BEAN1: variants seen among roughly 807,000 people sequenced by gnomAD.
The protein encoded by BEAN1 is protein BEAN1.
A neutral mutation model predicts 17.7 loss-of-function variants in BEAN1; 17 were observed. The observed-to-expected ratio is 0.96, with a 90% CI of 0.66 to 1.44. The LOEUF is 1.44. BEAN1 is among the 40% of genes most tolerant of loss of function. The pLI is 0.00. For synonymous variants in BEAN1, 142 were observed against 151.8 expected (o/e 0.94, Z 0.47); for missense variants, 359 against 374.1 (o/e 0.96, Z 0.33).
rs1027073652 is a variant in BEAN1 at position 66,471,756 on chromosome 16, C to T, written c.289+1891C>T. On this transcript the variant is annotated intron_variant, in intron 3 of 4. Transcript: ENST00000536005. The surrounding 1 kb of genome is among the most constrained non-coding windows in gnomAD (Gnocchi z 4.7). ...AAACAGATGTGGAAAGCTCAGCCCA[C>T]CCAGTCTCTGCAAGTCTCCCCAGAA... Among the ~76,000 whole-genome samples, 11 of 152,208 alleles carry T rather than the reference C, an allele frequency of 7.2e-5. No individual in the cohort carries two copies. Among genetic ancestry groups the T allele is most frequent in the Non-Finnish European group, 1.2e-4 (8 of 68,038 alleles).
Position 66,482,716 on chromosome 16 carries a change from G to A in BEAN1, c.*1791G>A, listed in dbSNP as rs1964022898. The A allele has an allele frequency of 5.4e-6, 2 of 373,082 alleles. No individual in the cohort carries two copies. Among genetic ancestry groups the A allele is most frequent in the South Asian group, 4.1e-5 (2 of 48,400 alleles). 23.1% of individuals were successfully genotyped at this position (373,082 alleles called of 1,614,324 possible). ...ACCTACTCATCAGTGTTTGAAAGAT[G>A]GAGCTGAATAGCTTTTCTTGTTCCT... On this transcript the variant is annotated 3_prime_UTR_variant, in exon 5 of 5. Transcript: ENST00000536005.
chr16:66,467,378 T>G (rs1040036439), intron 2 of BEAN1, among the ~76,000 whole-genome samples: 2 of 151,998 alleles, frequency 1.3e-5, no homozygotes, highest in Non-Finnish European at 2.9e-5. Flanking sequence ...AAACAGACAA[T>G]CATGGCGGAA....
chr16:66,489,877 CTCAA>C, intron 4 of BEAN1, among the ~76,000 whole-genome samples: 1 of 152,156 alleles, frequency 6.6e-6, no homozygotes, highest in African/African-American at 2.4e-5. Flanking sequence ...GATGCAGTTT[CTCAA>C]TCAAAGGGAT....
rs1167746024 is a variant in BEAN1, at chr16:66,473,291, G to A, written c.289+3426G>A. The stretch of plus-strand genomic sequence containing the variant: ...GACTGAGGTCACAGCTCTGCCAAGC[G>A]GGGTCAGGCCTTGGCTTCCCCACTG... On this transcript the variant is annotated intron_variant, in intron 3 of 4. Transcript: ENST00000536005. This position sits in a 1 kb window ranked among gnomAD's most constrained non-coding sequence, Gnocchi z 4.5. 2.0e-5 allele frequency among the ~76,000 whole-genome samples: 3 copies of A among 152,144 alleles called. No homozygotes were observed. Among genetic ancestry groups the A allele is most frequent in the Admixed American group, 6.5e-5 (1 of 15,276 alleles).
At chr16:66,488,263 T>C (rs561546157) in intron 4 of BEAN1, among the ~76,000 whole-genome samples, 3 of 152,138 alleles carry the variant, frequency 2.0e-5, no homozygotes, top group East Asian at 3.9e-4. Context: ...ATATGTGGAA[T>C]TTTAGCTATT....
chr16:66,433,779 C>G (rs1961899539), intron 1 of BEAN1, among the ~76,000 whole-genome samples: 1 of 152,232 alleles, frequency 6.6e-6, no homozygotes, highest in African/African-American at 2.4e-5. Context: ...GCCTCTTTCA[C>G]AAGGCCAGCC....
rs765824418 is a variant in BEAN1, at chr16:66,469,872, C to T, written c.289+7C>T. 17 of 1,532,008 alleles carry T rather than the reference C, an allele frequency of 1.1e-5. No homozygotes were observed. In the Middle Eastern group the frequency reaches 8.2e-4, roughly 74 times the overall value. 94.9% of individuals were successfully genotyped at this position (1,532,008 alleles called of 1,614,324 possible). On this transcript the variant is annotated splice_region_variant and intron_variant, in intron 3 of 4. Coordinates refer to ENST00000536005, the MANE Select transcript of BEAN1 (RefSeq NM_001178020.3). Reference sequence around the variant, plus strand: ...GAGTACGAGCACGGCTACGGTGAGCCGCCGCCCACCCTGGGGCCCTGGGAC... The same window carrying T: ...GAGTACGAGCACGGCTACGGTGAGCTGCCGCCCACCCTGGGGCCCTGGGAC...
At chr16:66,478,534 G>A (rs908692502) in intron 4 of BEAN1, among the ~76,000 whole-genome samples, 7 of 152,292 alleles carry the variant, frequency 4.6e-5, no homozygotes, top group South Asian at 2.1e-4. Flanking sequence ...CCCGGGAGGC[G>A]GAGGTTGTAG....
Position 66,453,217 on chromosome 16 carries a change from C to G in BEAN1, c.25+15516C>G, listed in dbSNP as rs1199582423. ...GAAAGCTTAGGTTTTCAAGTCGAGG[C>G]CTTTCTTCTTTTCCTTTCTTCTTTT... is the stretch of plus-strand genomic sequence containing the variant. On this transcript the variant is annotated intron_variant, in intron 2 of 4. Coordinates refer to ENST00000536005, the MANE Select transcript of BEAN1 (RefSeq NM_001178020.3). Among the ~76,000 whole-genome samples the G allele has an allele frequency of 2.6e-5, 4 of 151,912 alleles. No individual in the cohort carries two copies. The South Asian group carries it at 6.2e-4, about 24-fold the overall frequency.
intron 3 of BEAN1, chr16:66,475,514 A>G (rs1383969352): frequency 6.6e-6 from 1 of 152,154 alleles, no homozygotes; most frequent in Non-Finnish European, 1.5e-5. Context: ...CCTGAACCCA[A>G]AAACCCTTCC....
chr16:66,445,310 A>G (rs899332435), intron 2 of BEAN1, among the ~76,000 whole-genome samples: 1 of 151,646 alleles, frequency 6.6e-6, no homozygotes, highest in Admixed American at 6.6e-5. Context: ...CCCTGTCTCT[A>G]CTAAAAATAC....
At chr16:66,432,032 T>C (rs955273685) in intron 1 of BEAN1, among the ~76,000 whole-genome samples, 1 of 152,142 alleles carries the variant, frequency 6.6e-6, no homozygotes, top group Non-Finnish European at 1.5e-5. Context: ...CACTCCAGCC[T>C]GGGTGACAGA....
chr16:66,448,369 C>T (rs925887081), intron 2 of BEAN1, among the ~76,000 whole-genome samples: 11 of 152,282 alleles, frequency 7.2e-5, no homozygotes, highest in Admixed American at 5.9e-4. Context: ...AAATGACAAA[C>T]GGTACAAATC....
chr16:66,439,045 C>T (rs1408789684), intron 2 of BEAN1, among the ~76,000 whole-genome samples: 1 of 152,112 alleles, frequency 6.6e-6, no homozygotes, highest in East Asian at 1.9e-4. Context: ...TTCCAAAAGT[C>T]GAAGCCTTAT....
intron 2 of BEAN1, among the ~76,000 whole-genome samples, chr16:66,440,002 G>T (rs1962187802): frequency 6.6e-6 from 1 of 152,016 alleles, no homozygotes; most frequent in South Asian, 2.1e-4. Context: ...CCCACAATCA[G>T]CTTCAGTCTG....
At position 66,480,735 on chromosome 16, in the gene BEAN1, A is replaced by C; in HGVS notation, c.590A>C (p.Gln197Pro). 6.4e-7 allele frequency: 1 copy of C among 1,551,620 alleles called. No individual in the cohort carries two copies. The highest frequency in any genetic ancestry group is 8.7e-7 in the Non-Finnish European group (1 of 1,146,952). ...GHSPGRHQQE[Q>P]RTPAQGGLHT... is the part of the protein sequence containing the mutation. Reference sequence around the variant, plus strand: ...AGCCCTGGCCGACACCAGCAGGAGCAGAGGACCCCGGCCCAAGGTGGCCTT... The same window carrying C: ...AGCCCTGGCCGACACCAGCAGGAGCCGAGGACCCCGGCCCAAGGTGGCCTT... Residue 197 changes from glutamine (Q) to proline (P), a missense_variant, in exon 5 of 5, where the codon CAG becomes CCG. Transcript: ENST00000536005.
In BEAN1 at chr16:66,481,747, A is replaced by C. The variant is rs1051783608; in HGVS notation, c.*822A>C. On this transcript the variant is annotated 3_prime_UTR_variant, in exon 5 of 5. Transcript: ENST00000536005. This position sits in a 1 kb window ranked among gnomAD's most constrained non-coding sequence, Gnocchi z 4.1. ...GCCCAGGACTAAGGGTCTTCAAGGA[A>C]GATGAGGCCATTGCCCTTCTCCAGG... 1.3e-5 allele frequency: 2 copies of C among 153,038 alleles called. No individual in the cohort carries two copies. Among genetic ancestry groups the C allele is most frequent in the African/African-American group, 4.8e-5 (2 of 41,514 alleles). The allele number at this position is 153,038 out of a possible 1,614,324, so 9.5% of individuals were successfully genotyped here.
At chr16:66,442,385 G>A (rs1297226721) in intron 2 of BEAN1, among the ~76,000 whole-genome samples, 1 of 152,204 alleles carries the variant, frequency 6.6e-6, no homozygotes, top group Non-Finnish European at 1.5e-5. Flanking sequence ...CTGGCCTTTG[G>A]GAACAGATCT....
rs1170313620 is a variant in BEAN1, at chr16:66,477,683, G to A, written c.413G>A (p.Arg138Lys). The A allele has an allele frequency of 1.3e-6, 2 of 1,550,054 alleles. No individual in the cohort carries two copies. The highest frequency in any genetic ancestry group is 2.7e-5 in the African/African-American group (2 of 72,988). Reference protein sequence around the residue: ...SDGDVDATVLRELYPDSPPGY... With the variant: ...SDGDVDATVLKELYPDSPPGY... ...GGGGACGTGGATGCCACGGTGCTCAGGGAGCTGTACCCAGATTCTCCACCA... is the reference window on the plus strand; with the variant it reads ...GGGGACGTGGATGCCACGGTGCTCAAGGAGCTGTACCCAGATTCTCCACCA... The change falls in exon 4 of 5, where the codon AGG becomes AAG. Residue 138 changes from arginine to lysine, a missense_variant. Transcript: ENST00000536005.
Sources: allele counts gnomAD v4.1 joint callset (sites outside exome capture counted in the v4.1 genomes callset), GRCh38; gene constraint gnomAD v4.1.1; non-coding constraint Gnocchi (gnomAD v3.1); transcripts MANE v1.5; gene names NCBI Gene and HGNC (gene_info 2026-07-23, HGNC 2026-07-21).